The following SCARB1 variants were observed in gnomAD, a reference collection of about 807,000 sequenced individuals.
SCARB1 encodes the protein CD36 and LIMPII analogous 1.
A neutral mutation model predicts 57.2 loss-of-function variants in SCARB1; 30 were observed. That is an observed-to-expected ratio of 0.52 (90% CI 0.39 to 0.71). The LOEUF (loss-of-function observed/expected upper bound fraction) is 0.71, where lower values mean the gene tolerates loss of function less well. Ranked by LOEUF, SCARB1 falls within the 30% of genes least tolerant of loss-of-function variation. SCARB1 has a pLI of 0.00. For synonymous variants in SCARB1, 249 were observed against 268.3 expected, an observed-to-expected ratio of 0.93 and a Z score of 0.70; for missense variants, 543 against 671.2, an observed-to-expected ratio of 0.81 and a Z score of 2.11.
At chr12:124,840,975 C>A (rs112554312) in intron 1 of SCARB1, among the ~76,000 whole-genome samples, 15,764 of 151,894 alleles carry the variant, frequency 0.1, 906 homozygotes, top group African/African-American at 0.15. Flanking sequence ...TCAAGACCAG[C>A]CTGCCCAACA....
intron 2 of SCARB1, among the ~76,000 whole-genome samples, chr12:124,816,207 C>T (rs1023521938): frequency 2.7e-5 from 4 of 150,458 alleles, no homozygotes; most frequent in African/African-American, 9.7e-5. Flanking sequence ...TTTGTCTGCA[C>T]AATACTGATG....
rs1365648902 is a variant in SCARB1, at chr12:124,814,785, A to G, written c.426+188T>C. ...AGGACTTCCAAACCAAGACAGGTGGACCCACCTGGGAAACTCAGAACCCAC... is the reference window on the plus strand; with the variant it reads ...AGGACTTCCAAACCAAGACAGGTGGGCCCACCTGGGAAACTCAGAACCCAC... On this transcript the variant is annotated intron_variant, in intron 3 of 12. Transcript: ENST00000261693. This position sits in a 1 kb window ranked among gnomAD's most constrained non-coding sequence, Gnocchi z 4.7. 1.3e-5 allele frequency among the ~76,000 whole-genome samples: 2 copies of G among 152,206 alleles called. No individual in the cohort carries two copies. The highest frequency in any genetic ancestry group is 2.9e-5 in the Non-Finnish European group (2 of 68,042).
At position 124,814,978 on chromosome 12, in the gene SCARB1, C is replaced by CTGTTGGTGT. The variant is rs1950648802; in HGVS notation, c.420_421insACACCAACA (p.Leu140_Val141insThrProThr). ...GGGCCACAGGGCAGCCTCACCAAGA[C>CTGTTGGTGT]CAGGATGTTGGGCATGACGATGTAG... is the stretch of plus-strand genomic sequence containing the variant. On this transcript the variant is annotated inframe_insertion, in exon 3 of 13. Coordinates refer to ENST00000261693, the MANE Select transcript of SCARB1 (RefSeq NM_005505.5). This position sits in a 1 kb window ranked among gnomAD's most constrained non-coding sequence, Gnocchi z 4.7. 1.9e-6 allele frequency: 3 copies of CTGTTGGTGT among 1,614,134 alleles called. No homozygotes were observed. The highest frequency in any genetic ancestry group is 2.5e-6 in the Non-Finnish European group (3 of 1,180,030).
intron 1 of SCARB1, among the ~76,000 whole-genome samples, chr12:124,849,548 C>T (rs955717036): frequency 4.8e-4 from 73 of 152,374 alleles, no homozygotes; most frequent in African/African-American, 1.7e-3. Context: ...CCCACCCAGG[C>T]CCCTTCCACC....
intron 1 of SCARB1, among the ~76,000 whole-genome samples, chr12:124,852,559 G>A (rs924892651): frequency 1.3e-5 from 2 of 152,240 alleles, no homozygotes; most frequent in Non-Finnish European, 2.9e-5. Flanking sequence ...CCCCACTGGG[G>A]CCTCTCTGCC....
chr12:124,795,105 G>A, intron 9 of SCARB1, 90 bp downstream of exon 9: 1 of 1,079,820 alleles, frequency 9.3e-7, no homozygotes, highest in Non-Finnish European at 1.4e-6. Flanking sequence ...CTGGTTCCTG[G>A]GGTATGTCAC....
At chr12:124,788,597 G>A (rs1949609738) in intron 9 of SCARB1, among the ~76,000 whole-genome samples, 2 of 152,220 alleles carry the variant, frequency 1.3e-5, no homozygotes, top group Admixed American at 1.3e-4. Context: ...TGGGAAAATG[G>A]AACAGAAAGA....
chr12:124,819,325 G>A (rs374799114), intron 1 of SCARB1, among the ~76,000 whole-genome samples: 17 of 152,162 alleles, frequency 1.1e-4, no homozygotes, highest in Non-Finnish European at 1.9e-4. Flanking sequence ...TCCCTGTGTG[G>A]CTGAGTGAGC....
At chr12:124,794,029 AAAG>A (rs770031542) in intron 9 of SCARB1, among the ~76,000 whole-genome samples, 2 of 152,222 alleles carry the variant, frequency 1.3e-5, no homozygotes, top group African/African-American at 2.4e-5. Context: ...ATCCTAAATG[AAAG>A]AAGCCAGTCG....
In SCARB1 at chr12:124,800,181, C is replaced by T. The variant is rs761562702; in HGVS notation, c.1071G>A (p.Ala357=). Residue 357 remains alanine (A), a synonymous_variant, in exon 8 of 13, where the codon GCG becomes GCA. Coordinates refer to ENST00000261693, the MANE Select transcript of SCARB1 (RefSeq NM_005505.5). The surrounding 1 kb of genome is among the most constrained non-coding windows in gnomAD (Gnocchi z 4.8). ...FLNADPVLAE[A]VTGLHPNQEA... ...CCTGGTTAGGGTGCAGGCCAGTCAC[C>T]GCTTCTGCCAGAACCGGGTCAGCGT... 8.7e-6 allele frequency: 14 copies of T among 1,613,922 alleles called. No homozygotes were observed. The highest frequency in any genetic ancestry group is 5.0e-5 in the Admixed American group (3 of 59,994).
chr12:124,837,679 G>A (rs779129610), intron 1 of SCARB1, among the ~76,000 whole-genome samples: 9 of 152,088 alleles, frequency 5.9e-5, no homozygotes, highest in Non-Finnish European at 1.0e-4. Flanking sequence ...TTGAGGCCAG[G>A]AGTTCAAGAC....
intron 1 of SCARB1, among the ~76,000 whole-genome samples, chr12:124,828,977 C>G (rs569897254): frequency 5.9e-5 from 9 of 152,220 alleles, no homozygotes; most frequent in Non-Finnish European, 1.3e-4. Context: ...CTCCAGGCAT[C>G]CCCAGCTCCA....
At chr12:124,844,237 A>G (rs929600875) in intron 1 of SCARB1, among the ~76,000 whole-genome samples, 1 of 152,206 alleles carries the variant, frequency 6.6e-6, no homozygotes, top group Non-Finnish European at 1.5e-5. Context: ...GAACACGGAT[A>G]GATTTTAAAC....
chr12:124,805,725 ATT>A (rs755476758), intron 7 of SCARB1, among the ~76,000 whole-genome samples: 2 of 79,570 alleles, frequency 2.5e-5, no homozygotes, highest in Non-Finnish European at 2.4e-5. Flanking sequence ...TGCCTAGCTA[ATT>A]TTTTTTTTTT....
chr12:124,778,874 C>T (rs567945047), intron 12 of SCARB1, among the ~76,000 whole-genome samples: 4 of 152,322 alleles, frequency 2.6e-5, no homozygotes. Context: ...AGGGGGGCGG[C>T]CTGTGTGCAG....
intron 12 of SCARB1, 30 bp from the exon 13 acceptor site, chr12:124,778,616 C>A: frequency 7.1e-7 from 1 of 1,412,626 alleles, no homozygotes; most frequent in Non-Finnish European, 9.2e-7. Flanking sequence ...TGGGTGACCA[C>A]CCACGCCCTG....
chr12:124,798,409 T>C (rs1015750584), intron 8 of SCARB1, among the ~76,000 whole-genome samples: 15 of 150,290 alleles, frequency 1.0e-4, no homozygotes, highest in African/African-American at 3.7e-4. Flanking sequence ...AGACTCTGTC[T>C]CAAAAAATAA....
In SCARB1 at chr12:124,788,957, C is replaced by G. The variant is rs145404054; in HGVS notation, c.1203-1500G>C. Among the ~76,000 whole-genome samples the G allele has an allele frequency of 3.3e-3, 495 of 152,260 alleles. 1 individual carries two copies. Among genetic ancestry groups the G allele is most frequent in the African/African-American group, 0.011 (471 of 41,526 alleles). On this transcript the variant is annotated intron_variant, in intron 9 of 12. Transcript: ENST00000261693. ...AAGTAGGAAAAGGCCTGGAAGGAAGCACAGCAAATTGATGATGGTGGGTAC... is the reference window on the plus strand; with the variant it reads ...AAGTAGGAAAAGGCCTGGAAGGAAGGACAGCAAATTGATGATGGTGGGTAC...
chr12:124,802,731 A>G (rs1216219434), intron 7 of SCARB1, among the ~76,000 whole-genome samples: 2 of 152,226 alleles, frequency 1.3e-5, no homozygotes, highest in African/African-American at 2.4e-5. Context: ...CTAGCCAGAC[A>G]TAATTGCCCA....
Sources: gnomAD v4.1 joint callset for allele counts (sites outside exome capture counted in the v4.1 genomes callset) on GRCh38, gnomAD v4.1.1 for gene constraint, Gnocchi (gnomAD v3.1) non-coding constraint, MANE v1.5 for transcripts, NCBI Gene and HGNC (gene_info 2026-07-23, HGNC 2026-07-21) for gene names.